The following PRIM2 variants were observed in gnomAD, a reference collection of about 807,000 sequenced individuals.
PRIM2 encodes DNA primase subunit 2, also known as DNA primase large subunit.
Under a neutral mutation model 67.3 loss-of-function variants are expected in PRIM2, and 39 were observed. The ratio of observed to expected loss-of-function variants is 0.58; its 90% CI spans 0.45 to 0.76. The LOEUF (loss-of-function observed/expected upper bound fraction) is 0.76. Among genes scored for constraint, PRIM2 ranks in the 30% least tolerant of loss-of-function variants. The pLI, the probability that PRIM2 is intolerant of heterozygous loss-of-function variation, is 0.00. For synonymous variants in PRIM2, 143 were observed against 198.7 expected (o/e 0.72, Z 2.36); for missense variants, 398 against 598.7 (o/e 0.66, Z 3.50).
At chr6:57,488,243 G>T (rs1313413502) in intron 7 of PRIM2, among the ~76,000 whole-genome samples, 1 of 152,096 alleles carries the variant, frequency 6.6e-6, no homozygotes, top group Non-Finnish European at 1.5e-5. Context: ...ATTTTATATT[G>T]AAAGAGATTG....
chr6:57,526,490 A>G (rs1774756640), intron 8 of PRIM2, among the ~76,000 whole-genome samples: 1 of 152,230 alleles, frequency 6.6e-6, no homozygotes, highest in Non-Finnish European at 1.5e-5. Context: ...AGATTTTTCA[A>G]GATTCTCTGA....
Position 57,382,095 on chromosome 6 carries a change from C to T in PRIM2, c.620C>T (p.Ala207Val), listed in dbSNP as rs1769979956. Residue 207 changes from alanine to valine, a missense_variant, in exon 7 of 14, where the codon GCT becomes GTT. Transcript: ENST00000615550. ...AAAGTCTATTTGGAAGATGGCTTTG[C>T]TTACGTACCACTTAAGGACATTGTG... Reference protein sequence around the residue: ...GRKVYLEDGFAYVPLKDIVAI... With the variant: ...GRKVYLEDGFVYVPLKDIVAI... 1.2e-6 allele frequency: 2 copies of T among 1,613,084 alleles called. No homozygotes were observed. The highest frequency in any genetic ancestry group is 2.2e-5 in the East Asian group (1 of 44,838).
upstream of PRIM2, among the ~76,000 whole-genome samples, chr6:57,317,444 G>A (rs1562689057): frequency 6.6e-6 from 1 of 151,856 alleles, no homozygotes; most frequent in Admixed American, 6.6e-5. Flanking sequence ...TTAAAATTTG[G>A]AAAAAAAATC....
chr6:57,487,263 C>T (rs1225485847), intron 7 of PRIM2, among the ~76,000 whole-genome samples: 14 of 152,242 alleles, frequency 9.2e-5, no homozygotes, highest in Non-Finnish European at 1.3e-4. Flanking sequence ...TGGAAACTTC[C>T]GTGTTGCCCA....
chr6:57,633,394 T>G (rs1777066409), intron 13 of PRIM2, among the ~76,000 whole-genome samples: 1 of 152,240 alleles, frequency 6.6e-6, no homozygotes, highest in African/African-American at 2.4e-5. Context: ...TTGCATTTGT[T>G]GAAATCATCA....
At chr6:57,226,555 G>A in the PRIM2 span, among the ~76,000 whole-genome samples, 6 of 152,180 alleles carry the variant, frequency 3.9e-5, no homozygotes, top group African/African-American at 1.4e-4. Context: ...GACCTTGCAG[G>A]TCATATTAGG....
intron 8 of PRIM2, among the ~76,000 whole-genome samples, chr6:57,518,882 A>T (rs1774544705): frequency 1.3e-5 from 2 of 152,076 alleles, no homozygotes; most frequent in Non-Finnish European, 2.9e-5. Context: ...CTTACCAATG[A>T]CTTATTATCG....
the PRIM2 span, among the ~76,000 whole-genome samples, chr6:57,303,070 C>T: frequency 6.6e-6 from 1 of 152,050 alleles, no homozygotes; most frequent in East Asian, 1.9e-4. Flanking sequence ...ATTGCTATGT[C>T]TTTCTATGTT....
At chr6:57,642,814 G>C (rs1465900219) in intron 13 of PRIM2, among the ~76,000 whole-genome samples, 1 of 152,172 alleles carries the variant, frequency 6.6e-6, no homozygotes, top group Non-Finnish European at 1.5e-5. Flanking sequence ...TTTGAGTATC[G>C]TTTAGTGTTT....
chr6:57,423,757 G>A (rs1413214647), intron 7 of PRIM2, among the ~76,000 whole-genome samples: 1 of 152,220 alleles, frequency 6.6e-6, no homozygotes, highest in East Asian at 1.9e-4. Flanking sequence ...ATCCCGTGCT[G>A]CCTGGTGGGT....
the PRIM2 span, among the ~76,000 whole-genome samples, chr6:57,260,476 T>G: frequency 2.6e-5 from 4 of 152,232 alleles, no homozygotes; most frequent in Non-Finnish European, 4.4e-5. Context: ...TTGATTTTTC[T>G]ATGATGAGTT....
At chr6:57,575,086 C>G (rs1775938497) in intron 10 of PRIM2, among the ~76,000 whole-genome samples, 1 of 152,112 alleles carries the variant, frequency 6.6e-6, no homozygotes, top group African/African-American at 2.4e-5. Context: ...CTGTGTCTCC[C>G]CTTGGATGCC....
At chr6:57,250,430 A>G in the PRIM2 span, among the ~76,000 whole-genome samples, 1 of 152,220 alleles carries the variant, frequency 6.6e-6, no homozygotes, top group African/African-American at 2.4e-5. Flanking sequence ...GACTTCAAAT[A>G]AACAAATGCC....
intron 7 of PRIM2, among the ~76,000 whole-genome samples, chr6:57,439,305 A>G (rs750399697): frequency 8.2e-5 from 12 of 146,590 alleles, no homozygotes; most frequent in Non-Finnish European, 1.0e-4. Context: ...TCTGTTTCTG[A>G]GCGTTCTCTG....
At chr6:57,413,091 G>A (rs1325673631) in intron 7 of PRIM2, among the ~76,000 whole-genome samples, 1 of 151,644 alleles carries the variant, frequency 6.6e-6, no homozygotes, top group African/African-American at 2.4e-5. Flanking sequence ...GGTATCTGGA[G>A]CATGGCAAAA....
intron 7 of PRIM2, among the ~76,000 whole-genome samples, chr6:57,502,906 A>G (rs1351297114): frequency 2.0e-5 from 3 of 152,166 alleles, no homozygotes; most frequent in Admixed American, 6.5e-5. Flanking sequence ...CCTCATTTTA[A>G]CAGAAGGTCT....
At chr6:57,286,293 T>C in the PRIM2 span, among the ~76,000 whole-genome samples, 1 of 152,210 alleles carries the variant, frequency 6.6e-6, no homozygotes, top group East Asian at 1.9e-4. Context: ...AGAGCCCGTA[T>C]AGCCAAGACA....
At chr6:57,491,526 G>A (rs1773890525) in intron 7 of PRIM2, among the ~76,000 whole-genome samples, 1 of 152,136 alleles carries the variant, frequency 6.6e-6, no homozygotes, top group Admixed American at 6.6e-5. Flanking sequence ...TTTTGGGAGT[G>A]TGTACATGCT....
In PRIM2 at chr6:57,474,206, G is replaced by GACGGAGTCTCC. The variant is rs1220852120; in HGVS notation, c.694-33181_694-33180insACGGAGTCTCC. Among the ~76,000 whole-genome samples the GACGGAGTCTCC allele has an allele frequency of 7.7e-3, 60 of 7,824 alleles. 5 individuals carry two copies. In the African/African-American group the frequency reaches 0.087, roughly 11 times the overall value. The allele number at this position is 7,824 out of a possible 152,430, so 5.1% of individuals were successfully genotyped here. Reference sequence around the variant, plus strand: ...TTTTTTTTTTTTTTTTTTTTTTTGAGCTCTGTCACCCAGGCTGGAGTGCAG... The same window carrying GACGGAGTCTCC: ...TTTTTTTTTTTTTTTTTTTTTTTGAGACGGAGTCTCCCTCTGTCACCCAGGCTGGAGTGCAG... On this transcript the variant is annotated intron_variant, in intron 7 of 13. Transcript: ENST00000615550.
Sources: gnomAD v4.1 joint callset for allele counts (sites outside exome capture counted in the v4.1 genomes callset) on GRCh38, gnomAD v4.1.1 for gene constraint, MANE v1.5 for transcripts, NCBI Gene and HGNC (gene_info 2026-07-23, HGNC 2026-07-21) for gene names.